ANO1: variants seen among roughly 807,000 people sequenced by gnomAD.
ANO1 encodes anoctamin-1.
Under a neutral mutation model 124.0 loss-of-function variants are expected in ANO1, and 59 were observed. The ratio of observed to expected loss-of-function variants is 0.48; its 90% CI spans 0.39 to 0.59. ANO1 has a LOEUF of 0.59. Ranked by LOEUF, ANO1 falls within the 20% of genes least tolerant of loss-of-function variation. The pLI, the probability that ANO1 is intolerant of heterozygous loss-of-function variation, is 0.00. For synonymous variants in ANO1, 529 were observed against 532.0 expected (o/e 0.99, Z 0.08); for missense variants, 1,059 against 1,328.0 (o/e 0.80, Z 3.15).
At chr11:70,161,078 G>C (rs2048021815) in intron 16 of ANO1, 83 bp from the exon 17 acceptor site, 1 of 1,299,082 alleles carries the variant, frequency 7.7e-7, no homozygotes, top group African/African-American at 1.5e-5. Context: ...TTGGGGGACA[G>C]CTGGACTGAG....
At chr11:70,159,874 C>T (rs1220421430) in intron 16 of ANO1, among the ~76,000 whole-genome samples, 1 of 152,362 alleles carries the variant, frequency 6.6e-6, no homozygotes, top group Non-Finnish European at 1.5e-5. Flanking sequence ...CCCCACGCCT[C>T]GCAGCAGGGC....
intron 11 of ANO1, among the ~76,000 whole-genome samples, chr11:70,134,272 C>G (rs931349738): frequency 6.6e-6 from 1 of 152,216 alleles, no homozygotes; most frequent in African/African-American, 2.4e-5. Flanking sequence ...GACAGTATTT[C>G]AGGTGGTCCA....
chr11:70,161,864 G>T (rs949161801), intron 18 of ANO1, 131 bp downstream of exon 18: 13 of 853,974 alleles, frequency 1.5e-5, no homozygotes, highest in African/African-American at 1.3e-4. Context: ...GCCAAAGAGG[G>T]TCAGGGAGAA....
intron 6 of ANO1, among the ~76,000 whole-genome samples, chr11:70,108,995 G>T (rs941325771): frequency 2.0e-5 from 3 of 152,218 alleles, no homozygotes; most frequent in Non-Finnish European, 4.4e-5. Flanking sequence ...ACCCCCCACA[G>T]TGGGTCCCTT....
At chr11:70,115,026 G>A (rs2045922750) in intron 7 of ANO1, among the ~76,000 whole-genome samples, 1 of 152,208 alleles carries the variant, frequency 6.6e-6, no homozygotes, top group Non-Finnish European at 1.5e-5. Flanking sequence ...TAAATGAGGT[G>A]CTGCTGGGAT....
chr11:70,108,121 A>C, intron 5 of ANO1: 17 of 459,368 alleles, frequency 3.7e-5, no homozygotes, highest in Admixed American at 6.5e-5. Context: ...AAAGATGGGA[A>C]CTGCAGGTGC....
At chr11:70,108,274 C>T in intron 5 of ANO1, 79 bp from the exon 6 acceptor site, 1 of 1,453,218 alleles carries the variant, frequency 6.9e-7, no homozygotes, top group Non-Finnish European at 9.6e-7. Context: ...ACCAGGTCCT[C>T]TCCAGCCACA....
Position 70,105,279 on chromosome 11 carries a change from T to C in ANO1, c.693-455T>C, listed in dbSNP as rs575763402. Among the ~76,000 whole-genome samples the C allele has an allele frequency of 4.6e-5, 7 of 152,238 alleles. No homozygotes were observed. The South Asian group carries it at 1.5e-3, about 32-fold the overall frequency. On this transcript the variant is annotated intron_variant, in intron 4 of 25. Coordinates refer to ENST00000355303, the MANE Select transcript of ANO1 (RefSeq NM_018043.7). Reference sequence around the variant, plus strand: ...TCCACCCTCAGGAAGCCTCGGGCCATCCCTATGCAGCCCATCAGGACCCAA... The same window carrying C: ...TCCACCCTCAGGAAGCCTCGGGCCACCCCTATGCAGCCCATCAGGACCCAA...
chr11:70,124,285 T>G, intron 8 of ANO1, 65 bp from the exon 9 acceptor site: 2 of 1,486,832 alleles, frequency 1.3e-6, no homozygotes, highest in African/African-American at 2.8e-5. Context: ...CCCGCAGCTC[T>G]GCGTTCCGGG....
At chr11:70,066,072 T>G (rs1555008536) in intron 1 of ANO1, among the ~76,000 whole-genome samples, 3 of 152,232 alleles carry the variant, frequency 2.0e-5, no homozygotes, top group African/African-American at 7.2e-5. Flanking sequence ...GAGCAGGGAC[T>G]TGTTTGCATT....
At chr11:70,022,214 C>T (rs1302234868) in intron 1 of ANO1, among the ~76,000 whole-genome samples, 1 of 152,160 alleles carries the variant, frequency 6.6e-6, no homozygotes, top group Admixed American at 6.5e-5. Flanking sequence ...CAAAAGACCC[C>T]ATGAAGGTAG....
Position 70,152,418 on chromosome 11 carries a change from G to C in ANO1, c.1342-32G>C, listed in dbSNP as rs779311146. The C allele has an allele frequency of 2.5e-6, 4 of 1,605,952 alleles. No individual in the cohort carries two copies. In the Admixed American group the frequency reaches 6.7e-5, roughly 27 times the overall value. On this transcript the variant is annotated intron_variant, in intron 12 of 25. Coordinates refer to ENST00000355303, the MANE Select transcript of ANO1 (RefSeq NM_018043.7). The stretch of plus-strand genomic sequence containing the variant: ...ACAACCTAAGTAATGACATCTTTGT[G>C]TTTTTGTTTTTACTTTTCTGGTTCC...
At chr11:70,021,461 T>TTTG (rs559347283) in intron 1 of ANO1, among the ~76,000 whole-genome samples, 4 of 143,366 alleles carry the variant, frequency 2.8e-5, no homozygotes, top group East Asian at 4.0e-4. Context: ...GAGAGTGCTT[T>TTTG]TTGTTGTTGT....
intron 9 of ANO1, among the ~76,000 whole-genome samples, chr11:70,124,833 A>C (rs535722721): frequency 1.3e-4 from 20 of 152,198 alleles, no homozygotes; most frequent in Non-Finnish European, 2.4e-4. Flanking sequence ...TGCCCGCCAG[A>C]GCTCGACTGG....
At chr11:70,150,553 G>A (rs2047562724) in intron 12 of ANO1, among the ~76,000 whole-genome samples, 1 of 152,014 alleles carries the variant, frequency 6.6e-6, no homozygotes, top group Admixed American at 6.6e-5. Flanking sequence ...CACTTTTTGG[G>A]AGACAGGGTC....
intron 7 of ANO1, among the ~76,000 whole-genome samples, chr11:70,112,709 C>T (rs771215937): frequency 2.0e-5 from 3 of 152,082 alleles, no homozygotes; most frequent in African/African-American, 4.8e-5. Context: ...AGGCGTGCAC[C>T]GCTACACCCA....
chr11:70,164,000 T>TTTTTTTTTTTTTTTTTTTTTTTTTTTG (rs1565267322), intron 19 of ANO1, among the ~76,000 whole-genome samples: 3 of 152,088 alleles, frequency 2.0e-5, no homozygotes, highest in African/African-American at 7.3e-5. Flanking sequence ...CTTTTTTTTT[T>TTTTTTTTTTTTTTTTTTTTTTTTTTTG]ACTCGACATT....
At chr11:70,161,868 G>A in intron 18 of ANO1, 135 bp downstream of exon 18, 3 of 818,876 alleles carry the variant, frequency 3.7e-6, no homozygotes, top group Non-Finnish European at 6.0e-6. Flanking sequence ...AAGAGGGTCA[G>A]GGAGAAGGCC....
chr11:70,028,003 G>T (rs367789805), intron 1 of ANO1, among the ~76,000 whole-genome samples: 32 of 152,286 alleles, frequency 2.1e-4, no homozygotes, highest in African/African-American at 7.5e-4. Context: ...ACACCCGTGG[G>T]TTTTTTAAGA....
Sources: allele counts gnomAD v4.1 joint callset (sites outside exome capture counted in the v4.1 genomes callset), GRCh38; gene constraint gnomAD v4.1.1; transcripts MANE v1.5; gene names NCBI Gene and HGNC (gene_info 2026-07-23, HGNC 2026-07-21).